Variants in CHODL observed in about 807,000 individuals in gnomAD.
CHODL encodes transmembrane protein MT75.
CHODL carries 29 observed loss-of-function variants against 34.5 expected under a neutral mutation model. The ratio of observed to expected loss-of-function variants is 0.84; its 90% CI spans 0.63 to 1.15. The LOEUF (loss-of-function observed/expected upper bound fraction) is 1.15, where lower values mean the gene tolerates loss of function less well. Ranked by LOEUF, CHODL falls within the 50% of genes most tolerant of loss-of-function variation. CHODL has a pLI of 0.00. For synonymous variants in CHODL, 125 were observed against 116.1 expected, an observed-to-expected ratio of 1.08 and a Z score of -0.49; for missense variants, 332 against 332.5, an observed-to-expected ratio of 1.00 and a Z score of 0.01.
chr21:18,174,425 A>G (rs1284715659), intron 2 of CHODL, among the ~76,000 whole-genome samples: 1 of 151,982 alleles, frequency 6.6e-6, no homozygotes, highest in Admixed American at 6.6e-5. Context: ...TGAAATTTTT[A>G]TGACATCAAT....
At chr21:18,060,661 G>C (rs948076009) in intron 2 of CHODL, among the ~76,000 whole-genome samples, 5 of 143,716 alleles carry the variant, frequency 3.5e-5, no homozygotes, top group Admixed American at 7.1e-5. Context: ...GAAGACCTAG[G>C]TACCTCTGAA....
chr21:18,254,188 C>T (rs529294030), intron 1 of CHODL, among the ~76,000 whole-genome samples: 1 of 151,064 alleles, frequency 6.6e-6, no homozygotes, highest in South Asian at 2.1e-4. Flanking sequence ...CCCAGAAATC[C>T]CTGACTACTG....
At chr21:18,053,636 A>G (rs754902716) in intron 2 of CHODL, among the ~76,000 whole-genome samples, 1 of 151,870 alleles carries the variant, frequency 6.6e-6, no homozygotes, top group Non-Finnish European at 1.5e-5. Context: ...CGGAAAATCT[A>G]GTTGTCTATA....
chr21:17,936,646 C>G (rs911774037), intron 1 of CHODL, among the ~76,000 whole-genome samples: 3 of 152,076 alleles, frequency 2.0e-5, no homozygotes, highest in African/African-American at 7.2e-5. Flanking sequence ...AGGAATCCAG[C>G]AGTGCAGGAA....
At chr21:17,961,773 C>T (rs200802) in intron 1 of CHODL, among the ~76,000 whole-genome samples, 33,372 of 152,006 alleles carry the variant, frequency 0.22, 4,205 homozygotes, top group Non-Finnish European at 0.29. Context: ...GACTAATATA[C>T]GGTAAAAAAG....
chr21:18,007,308 A>G (rs2063969905), intron 1 of CHODL, among the ~76,000 whole-genome samples: 1 of 152,230 alleles, frequency 6.6e-6, no homozygotes, highest in South Asian at 2.1e-4. Context: ...CAATGCAAAT[A>G]TGTGCATCTG....
chr21:17,976,047 AT>A (rs1450061258), intron 1 of CHODL, among the ~76,000 whole-genome samples: 1 of 152,120 alleles, frequency 6.6e-6, no homozygotes, highest in Non-Finnish European at 1.5e-5. Flanking sequence ...CTTTGTTAAT[AT>A]GACGAAACTC....
intron 1 of CHODL, among the ~76,000 whole-genome samples, chr21:18,253,352 A>T (rs2074280295): frequency 6.6e-6 from 1 of 152,092 alleles, no homozygotes; most frequent in Admixed American, 6.6e-5. Flanking sequence ...CATCTTGCAA[A>T]ACAATCTTCT....
chr21:18,187,442 A>G (rs1408004360), intron 2 of CHODL, among the ~76,000 whole-genome samples: 1 of 151,964 alleles, frequency 6.6e-6, no homozygotes, highest in Non-Finnish European at 1.5e-5. Flanking sequence ...TCTCTCTCTC[A>G]TGACACCGTC....
chr21:18,197,396 A>G (rs8134103), intron 2 of CHODL, among the ~76,000 whole-genome samples: 104,304 of 151,934 alleles, frequency 0.69, 36,507 homozygotes, highest in East Asian at 0.92. Flanking sequence ...AAATCACTTG[A>G]GGTCAGGAGT....
intron 1 of CHODL, among the ~76,000 whole-genome samples, chr21:18,248,819 A>ATATATGTATGTATATTG (rs1411055306): frequency 0.011 from 1,322 of 118,508 alleles, 43 homozygotes; most frequent in African/African-American, 0.043. Flanking sequence ...TATGTATATT[A>ATATATGTATGTATATTG]TATATGTATG....
chr21:18,151,098 A>G (rs1284682939), intron 2 of CHODL, among the ~76,000 whole-genome samples: 5 of 121,998 alleles, frequency 4.1e-5, no homozygotes, highest in South Asian at 2.7e-4. Context: ...AAAAAAAAAA[A>G]AAAAAAAGAA....
intron 2 of CHODL, among the ~76,000 whole-genome samples, chr21:18,227,329 T>C (rs73316280): frequency 0.086 from 13,050 of 152,180 alleles, 787 homozygotes; most frequent in African/African-American, 0.17. Context: ...TGCAATAAGT[T>C]TTAACATAAA....
chr21:17,985,047 G>A (rs1052936474), intron 1 of CHODL, among the ~76,000 whole-genome samples: 4 of 152,058 alleles, frequency 2.6e-5, no homozygotes, highest in Admixed American at 6.6e-5. Flanking sequence ...ATTTCCAGGT[G>A]AAATTGAGTC....
At chr21:18,194,835 GA>G (rs1351236645) in intron 2 of CHODL, among the ~76,000 whole-genome samples, 1 of 151,278 alleles carries the variant, frequency 6.6e-6, no homozygotes, top group African/African-American at 2.4e-5. Flanking sequence ...TTTTTAAAAT[GA>G]CAAAAAATTG....
In CHODL at chr21:18,237,783, T is replaced by A. The variant is rs1000746604; in HGVS notation, c.-44-18726T>A. ...ATTAACCCAAATTTCCCACCTACTG[T>A]TTATTTATTGAATAAACATAAAAAT... is the stretch of plus-strand genomic sequence containing the variant. On this transcript the variant is annotated intron_variant, in intron 2 of 6. Coordinates refer to the CHODL transcript ENST00000400127. Among the ~76,000 whole-genome samples, 8 of 152,262 alleles carry A rather than the reference T, an allele frequency of 5.3e-5. No homozygotes were observed. The East Asian group carries it at 1.5e-3, about 29-fold the overall frequency.
chr21:18,014,367 T>C (rs2064050649), intron 1 of CHODL, among the ~76,000 whole-genome samples: 1 of 152,206 alleles, frequency 6.6e-6, no homozygotes, highest in African/African-American at 2.4e-5. Flanking sequence ...CTAAGTGAAT[T>C]AATGCAGGAA....
At chr21:18,217,250 T>C (rs112359577) in intron 2 of CHODL, among the ~76,000 whole-genome samples, 6,468 of 152,210 alleles carry the variant, frequency 0.042, 172 homozygotes, top group Non-Finnish European at 0.056. Context: ...CATGCTGCTA[T>C]AAAGAACTGG....
At chr21:17,996,069 C>T (rs1472651135) in intron 1 of CHODL, among the ~76,000 whole-genome samples, 1 of 151,958 alleles carries the variant, frequency 6.6e-6, no homozygotes, top group Non-Finnish European at 1.5e-5. Flanking sequence ...ACTTTTGACT[C>T]ATCATTTATT....
Sources: allele counts gnomAD v4.1 joint callset (sites outside exome capture counted in the v4.1 genomes callset), GRCh38; gene constraint gnomAD v4.1.1; transcripts MANE v1.5; gene names NCBI Gene and HGNC (gene_info 2026-07-23, HGNC 2026-07-21).